Variants in PCDH15 observed in about 807,000 individuals in gnomAD.
PCDH15 encodes protocadherin-15.
In PCDH15, 129 loss-of-function variants were observed where a neutral mutation model predicts 178.5. The ratio of observed to expected loss-of-function variants is 0.72; its 90% CI spans 0.63 to 0.84. The LOEUF is 0.84. Among genes scored for constraint, PCDH15 ranks in the 40% least tolerant of loss-of-function variants. The pLI is 0.00. For synonymous variants in PCDH15, 800 were observed against 732.0 expected, an observed-to-expected ratio of 1.09 and a Z score of -1.50; for missense variants, 2,230 against 2,099.9, an observed-to-expected ratio of 1.06 and a Z score of -1.21.
At chr10:54,192,800 C>A (rs1384359654) in intron 11 of PCDH15, among the ~76,000 whole-genome samples, 1 of 152,046 alleles carries the variant, frequency 6.6e-6, no homozygotes, top group African/African-American at 2.4e-5. Flanking sequence ...TGATTAATTA[C>A]TTGACACTTT....
chr10:54,459,940 T>C (rs1479466117), intron 3 of PCDH15, among the ~76,000 whole-genome samples: 1 of 152,166 alleles, frequency 6.6e-6, no homozygotes, highest in African/African-American at 2.4e-5. Context: ...TTTTGTTGAC[T>C]ACTTGACTTA....
intron 2 of PCDH15, among the ~76,000 whole-genome samples, chr10:54,643,584 A>G (rs2094045764): frequency 6.6e-6 from 1 of 152,124 alleles, no homozygotes; most frequent in African/African-American, 2.4e-5. Context: ...TGTTGCTCTC[A>G]TATGACCTTA....
At chr10:54,226,908 C>T (rs752473425) in intron 9 of PCDH15, among the ~76,000 whole-genome samples, 20 of 152,206 alleles carry the variant, frequency 1.3e-4, no homozygotes, top group Non-Finnish European at 2.5e-4. Context: ...CCTTTGACTC[C>T]ATGTCTCACA....
chr10:55,540,989 A>T (rs1418037693), intron 2 of PCDH15, among the ~76,000 whole-genome samples: 1 of 152,040 alleles, frequency 6.6e-6, no homozygotes, highest in Non-Finnish European at 1.5e-5. Flanking sequence ...AAAACCCATT[A>T]ATAAAAGGGA....
chr10:53,968,740 C>G (rs2593131), intron 21 of PCDH15, among the ~76,000 whole-genome samples: 109,900 of 152,132 alleles, frequency 0.72, 39,997 homozygotes, highest in East Asian at 0.87. Flanking sequence ...CAGGCAAACA[C>G]GGTCTGGAGT....
chr10:54,813,058 C>T lies in PCDH15; in HGVS notation c.-29+84392G>A, dbSNP rs564111006. ...TTGGCTTTTTAAAACTTTTCAGAAC[C>T]TCCAACAACCTAGAGTTTATTTTCC... is the stretch of plus-strand genomic sequence containing the variant. On this transcript the variant is annotated intron_variant, in intron 3 of 5. Transcript: ENST00000458638. Among the ~76,000 whole-genome samples, 36 of 152,236 alleles carry T rather than the reference C, an allele frequency of 2.4e-4. No individual in the cohort carries two copies. The South Asian group carries it at 2.7e-3, about 11-fold the overall frequency.
At chr10:55,151,213 GA>G (rs1361066818) in intron 2 of PCDH15, among the ~76,000 whole-genome samples, 1 of 151,998 alleles carries the variant, frequency 6.6e-6, no homozygotes, top group Non-Finnish European at 1.5e-5. Flanking sequence ...CTCTAATCCA[GA>G]AAAGATGTAT....
At chr10:54,437,928 CTT>C (rs2075531155) in intron 3 of PCDH15, among the ~76,000 whole-genome samples, 1 of 152,140 alleles carries the variant, frequency 6.6e-6, no homozygotes, top group Non-Finnish European at 1.5e-5. Context: ...GTTGGAATCT[CTT>C]TTTCCCATCA....
chr10:54,999,065 T>G (rs1839725670), intron 2 of PCDH15, among the ~76,000 whole-genome samples: 1 of 152,090 alleles, frequency 6.6e-6, no homozygotes, highest in South Asian at 2.1e-4. Flanking sequence ...CTTGTTGTTT[T>G]TTTGTTTTTT....
At chr10:55,618,089 T>C (rs768695775) in intron 2 of PCDH15, among the ~76,000 whole-genome samples, 6 of 152,080 alleles carry the variant, frequency 3.9e-5, no homozygotes, top group African/African-American at 9.6e-5. Context: ...GTTAGTGACA[T>C]AGAATAAATA....
At chr10:54,617,755 CAAAAA>C (rs71010398) in intron 2 of PCDH15, among the ~76,000 whole-genome samples, 7 of 117,124 alleles carry the variant, frequency 6.0e-5, no homozygotes, top group Admixed American at 2.6e-4. Context: ...TCTAAAAATA[CAAAAA>C]AAAAAAAAAA....
At chr10:54,994,865 C>T (rs1839596633) in intron 2 of PCDH15, among the ~76,000 whole-genome samples, 2 of 152,102 alleles carry the variant, frequency 1.3e-5, no homozygotes, top group South Asian at 4.1e-4. Flanking sequence ...TACATTTCTA[C>T]AGATTATATG....
chr10:55,048,455 T>C lies in PCDH15; in HGVS notation c.-80+118121A>G, dbSNP rs565759947. Among the ~76,000 whole-genome samples, 277 of 151,992 alleles carry C rather than the reference T, an allele frequency of 1.8e-3. 1 individual carries two copies. Among genetic ancestry groups the C allele is most frequent in the African/African-American group, 6.5e-3 (268 of 41,540 alleles). ...TATGGTTGATAGATAAAATAATTAA[T>C]AAACCAAATAACACTTTATAGAAAA... is the stretch of plus-strand genomic sequence containing the variant. On this transcript the variant is annotated intron_variant, in intron 2 of 5. Coordinates refer to the PCDH15 transcript ENST00000458638.
At chr10:54,197,774 T>C (rs889603652) in intron 10 of PCDH15, among the ~76,000 whole-genome samples, 6 of 152,180 alleles carry the variant, frequency 3.9e-5, no homozygotes, top group Admixed American at 2.0e-4. Context: ...CACCAAGAAA[T>C]ATTACAATAT....
intron 1 of PCDH15, among the ~76,000 whole-genome samples, chr10:54,722,236 A>G (rs1941742024): frequency 6.6e-6 from 1 of 151,868 alleles, no homozygotes; most frequent in Admixed American, 6.6e-5. Context: ...AGAGCCATGT[A>G]TGACAAGTCA....
At chr10:54,909,532 CA>C (rs1398432720) in intron 2 of PCDH15, among the ~76,000 whole-genome samples, 2 of 152,108 alleles carry the variant, frequency 1.3e-5, no homozygotes, top group African/African-American at 2.4e-5. Flanking sequence ...TGAGCAGGCC[CA>C]ACTGTGGGGA....
rs947811401 is a variant in PCDH15 at position 55,622,054 on chromosome 10, GTATA to G, written c.-156+5567_-156+5570del. On this transcript the variant is annotated intron_variant, in intron 2 of 5. Transcript: ENST00000613346. ...TGTATATATAATATATATATAAATT[GTATA>G]TATAATGTATATATAATATATATAA... 2.3e-4 allele frequency among the ~76,000 whole-genome samples: 29 copies of G among 124,422 alleles called. No homozygotes were observed. In the East Asian group the frequency reaches 3.7e-3, roughly 16 times the overall value. The allele number at this position is 124,422 out of a possible 152,430, so 81.6% of individuals were successfully genotyped here.
At chr10:54,978,944 A>C (rs112282835) in intron 2 of PCDH15, among the ~76,000 whole-genome samples, 149 of 152,314 alleles carry the variant, frequency 9.8e-4, no homozygotes, top group African/African-American at 3.2e-3. Flanking sequence ...CTAAGAATTC[A>C]GAATGAGTTA....
intron 5 of PCDH15, among the ~76,000 whole-genome samples, chr10:54,367,193 G>A (rs1296110547): frequency 6.6e-6 from 1 of 152,004 alleles, no homozygotes; most frequent in Non-Finnish European, 1.5e-5. Flanking sequence ...ATCTGAACAG[G>A]ATAAGGCATT....
Sources: allele counts gnomAD v4.1 joint callset (sites outside exome capture counted in the v4.1 genomes callset), GRCh38; gene constraint gnomAD v4.1.1; transcripts MANE v1.5; gene names NCBI Gene and HGNC (gene_info 2026-07-23, HGNC 2026-07-21).